BAIAP3: variants seen among roughly 807,000 people sequenced by gnomAD.
BAIAP3 encodes the protein BAI1 associated protein 3.
A neutral mutation model predicts 149.7 loss-of-function variants in BAIAP3; 180 were observed. The ratio of observed to expected loss-of-function variants is 1.20; its 90% CI spans 1.07 to 1.36. BAIAP3 has a LOEUF of 1.36. Ranked by LOEUF, BAIAP3 falls within the 40% of genes most tolerant of loss-of-function variation. The pLI, the probability that BAIAP3 is intolerant of heterozygous loss-of-function variation, is 0.00. For missense variants in BAIAP3, 1,767 were observed against 1,563.4 expected, an observed-to-expected ratio of 1.13 and a Z score of -2.20; for synonymous variants, 845 against 670.7, an observed-to-expected ratio of 1.26 and a Z score of -4.02.
At chr16:1,337,863 G>C (rs934530696) in intron 1 of BAIAP3, among the ~76,000 whole-genome samples, 1 of 152,170 alleles carries the variant, frequency 6.6e-6, no homozygotes, top group Non-Finnish European at 1.5e-5. Context: ...GCTTTGTGGG[G>C]ACACTGCCCC....
intron 15 of BAIAP3, 125 bp downstream of exon 15, chr16:1,343,638 CTG>C (rs1161160144): frequency 5.2e-5 from 74 of 1,409,774 alleles, no homozygotes; most frequent in Non-Finnish European, 6.9e-5. Flanking sequence ...AATGGACAAA[CTG>C]TATGACGTGG....
chr16:1,345,696 CCCCAGCCTCCCCTGCCTCCCCAGCAAA>C (rs767662327), intron 22 of BAIAP3, 24 bp from the exon 23 acceptor site: 125 of 1,211,940 alleles, frequency 1.0e-4, no homozygotes, highest in Middle Eastern at 2.8e-4. Flanking sequence ...TCCCCCACCT[CCCCAGCCTCCCCTGCCTCCCCAGCAAA>C]CCCAGCCTCC....
At chr16:1,345,467 G>C (rs1328292286) in intron 22 of BAIAP3, 95 bp downstream of exon 22, 221 of 1,033,584 alleles carry the variant, frequency 2.1e-4, no homozygotes, top group Non-Finnish European at 2.6e-4. Flanking sequence ...GCAACCCCCA[G>C]CCTCCTCCGC....
intron 4 of BAIAP3, 55 bp downstream of exon 4, chr16:1,339,299 C>A: frequency 4.5e-6 from 7 of 1,539,876 alleles, no homozygotes; most frequent in Non-Finnish European, 5.2e-6. Flanking sequence ...GCTCCCTCAG[C>A]CGTTTAGAGG....
chr16:1,347,261 G>T (rs1423229353), intron 28 of BAIAP3, 37 bp from the exon 29 acceptor site: 1 of 1,602,858 alleles, frequency 6.2e-7, no homozygotes, highest in East Asian at 2.2e-5. Context: ...GCACAAGCCA[G>T]GCTCCCTGAC....
At chr16:1,345,587 TC>T in intron 22 of BAIAP3, 159 bp from the exon 23 acceptor site, 1 of 186,842 alleles carries the variant, frequency 5.4e-6, no homozygotes, top group Non-Finnish European at 8.5e-6. Flanking sequence ...AACCCCAGCC[TC>T]CCCCGCAACC....
chr16:1,338,479 C>G, intron 1 of BAIAP3, 61 bp from the exon 2 acceptor site: 1 of 826,458 alleles, frequency 1.2e-6, no homozygotes, highest in Non-Finnish European at 1.7e-6. Context: ...CCCCCGCCTG[C>G]TGTGGTGCAC....
rs1408798599 is a variant in BAIAP3 at position 1,346,251 on chromosome 16, G to A, written c.2383G>A (p.Ala795Thr). The change falls in exon 25 of 34, where the codon GCC becomes ACC. Residue 795 changes from alanine (A) to threonine (T), a missense_variant. Physicochemically the swap from Ala to Thr is moderately conservative, Grantham distance 58. Transcript: ENST00000426824. ...ALKGLAWPEG[A>T]TGPEGVLPRP... Reference sequence around the variant, plus strand: ...GAAGGGCCTGGCATGGCCAGAGGGGGCCACGGGGCCCGAGGGGGTGCTCCC... The same window carrying A: ...GAAGGGCCTGGCATGGCCAGAGGGGACCACGGGGCCCGAGGGGGTGCTCCC... The A allele has an allele frequency of 6.2e-7, 1 of 1,611,286 alleles. No homozygotes were observed.
At chr16:1,345,227 C>T (rs1490481036) in intron 21 of BAIAP3, 22 bp from the exon 22 acceptor site, 1 of 1,611,892 alleles carries the variant, frequency 6.2e-7, no homozygotes. Flanking sequence ...AGGGCCGAGC[C>T]CTCACAACCC....
At position 1,344,780 on chromosome 16, in the gene BAIAP3, G is replaced by C. The variant is rs758190902; in HGVS notation, c.1758-18G>C. The C allele has an allele frequency of 2.4e-5, 39 of 1,613,690 alleles. No homozygotes were observed. Among genetic ancestry groups the C allele is most frequent in the Non-Finnish European group, 3.2e-5 (38 of 1,180,016 alleles). ...CAGGTGGGGCGCAGGTGGATGAGGTGTGTCCCTTGCTCTGCAGCATCCTCA... is the reference window on the plus strand; with the variant it reads ...CAGGTGGGGCGCAGGTGGATGAGGTCTGTCCCTTGCTCTGCAGCATCCTCA... On this transcript the variant is annotated intron_variant, in intron 19 of 33. Coordinates refer to ENST00000426824, the MANE Select transcript of BAIAP3 (RefSeq NM_001199097.2).
Position 1,348,781 on chromosome 16 carries a change from C to G in BAIAP3, c.*299C>G, listed in dbSNP as rs1177927770. On this transcript the variant is annotated 3_prime_UTR_variant, in exon 34 of 34. Coordinates refer to ENST00000426824, the MANE Select transcript of BAIAP3 (RefSeq NM_001199097.2). The stretch of plus-strand genomic sequence containing the variant: ...TGACCACCTGGTGGGCCTCCCTGCC[C>G]GCTTCCTTGGGCTCCCCGGCCCTGG... 6.2e-6 allele frequency: 3 copies of G among 482,812 alleles called. No individual in the cohort carries two copies. In the South Asian group the frequency reaches 7.9e-5, roughly 13 times the overall value. 29.9% of individuals were successfully genotyped at this position (482,812 alleles called of 1,614,324 possible). A position where few individuals can be genotyped will look rare whatever the true frequency, so the allele number is the denominator to read the frequency against.
At position 1,345,043 on chromosome 16, in the gene BAIAP3, T is replaced by C. The variant is rs764828690; in HGVS notation, c.1884T>C (p.Phe628=). The part of the protein sequence containing the change: ...KMTLEVASGL[F]ELYLTLADLQ... ...CCCTGGAGGTGGCCTCGGGGCTCTT[T>C]GAGCTCTACCTGACCCTGGCTGACC... is the stretch of plus-strand genomic sequence containing the variant. Residue 628 remains phenylalanine (F), a synonymous_variant, in exon 21 of 34, where the codon TTT becomes TTC. Transcript: ENST00000426824. 1.6e-5 allele frequency: 26 copies of C among 1,612,370 alleles called. No individual in the cohort carries two copies. Among genetic ancestry groups the C allele is most frequent in the Non-Finnish European group, 8.5e-7 (1 of 1,180,020 alleles).
intron 29 of BAIAP3, 66 bp from the exon 30 acceptor site, chr16:1,347,479 G>A: frequency 6.3e-7 from 1 of 1,575,540 alleles, no homozygotes; most frequent in East Asian, 2.4e-5. Context: ...CGGGCAGTCA[G>A]GTCTCCAAGT....
At chr16:1,336,424 C>T (rs1596557826) in intron 1 of BAIAP3, 3 of 980,098 alleles carry the variant, frequency 3.1e-6, no homozygotes, top group Non-Finnish European at 2.4e-6. Flanking sequence ...CAAGCATTGC[C>T]TCTCACAGGG....
chr16:1,339,382 G>A, intron 4 of BAIAP3, 114 bp from the exon 5 acceptor site: 1 of 1,464,814 alleles, frequency 6.8e-7, no homozygotes, highest in East Asian at 2.4e-5. Flanking sequence ...AGGAGCGGAG[G>A]GGCTCCTGGT....
chr16:1,340,176 C>T (rs1234329368), intron 5 of BAIAP3, among the ~76,000 whole-genome samples: 10 of 100,274 alleles, frequency 1.0e-4, no homozygotes, highest in Admixed American at 1.8e-4. Flanking sequence ...ACACAGGCTG[C>T]AGGTGCACAC....
chr16:1,339,236 C>T lies in BAIAP3; in HGVS notation c.292C>T (p.Pro98Ser), dbSNP rs1277456330. The change falls in exon 4 of 34, where the codon CCA becomes TCA. Residue 98 changes from proline (P) to serine (S), a missense_variant. By Grantham distance (74) the Pro-to-Ser change is moderately conservative (BLOSUM62 -1). Coordinates refer to ENST00000426824, the MANE Select transcript of BAIAP3 (RefSeq NM_001199097.2). ...DPSLGLRALA[P>S]EEVEMLYEEA... is the part of the protein sequence containing the mutation. ...CAGCCTCGGCCTGAGAGCCCTGGCC[C>T]CAGAGGAGGTAAAGGTGGGGGTCGG... 1.3e-6 allele frequency: 2 copies of T among 1,563,442 alleles called. No homozygotes were observed. The highest frequency in any genetic ancestry group is 1.4e-5 in the African/African-American group (1 of 74,066).
At position 1,346,372 on chromosome 16, in the gene BAIAP3, C is replaced by A. The variant is rs767669637; in HGVS notation, c.2493+11C>A. The stretch of plus-strand genomic sequence containing the variant: ...CACCTGACCTCTAAGGTGGGTGGGG[C>A]CTGGAGACCAAGGCGTGGAGGCAGT... On this transcript the variant is annotated intron_variant, in intron 25 of 33. Transcript: ENST00000426824. 2.5e-6 allele frequency: 4 copies of A among 1,610,338 alleles called. No homozygotes were observed. The South Asian group carries it at 4.4e-5, about 18-fold the overall frequency.
At chr16:1,334,553 G>C in intron 1 of BAIAP3, 1 of 1,023,038 alleles carries the variant, frequency 9.8e-7, no homozygotes, top group Non-Finnish European at 1.4e-6. Flanking sequence ...GGTCTCCTGC[G>C]CTCCTGCTGG....
Sources: allele counts gnomAD v4.1 joint callset (sites outside exome capture counted in the v4.1 genomes callset), GRCh38; gene constraint gnomAD v4.1.1; transcripts MANE v1.5; gene names NCBI Gene and HGNC (gene_info 2026-07-23, HGNC 2026-07-21).